The following TMCC1 variants were observed in gnomAD, a reference collection of about 807,000 sequenced individuals.
TMCC1 encodes the protein transmembrane and coiled-coil domains protein 1.
A neutral mutation model predicts 52.4 loss-of-function variants in TMCC1; 15 were observed. That is an observed-to-expected ratio of 0.29 (90% CI 0.19 to 0.44). TMCC1 has a LOEUF of 0.44. TMCC1 is among the 20% of genes least tolerant of loss of function. The pLI is 1.00. For missense variants in TMCC1, 503 were observed against 806.0 expected, an observed-to-expected ratio of 0.62 and a Z score of 4.55; for synonymous variants, 279 against 301.9, an observed-to-expected ratio of 0.92 and a Z score of 0.79.
chr3:129,658,550 GGGCTCTGACTC>G (rs1185288532), intron 5 of TMCC1, among the ~76,000 whole-genome samples: 1 of 152,186 alleles, frequency 6.6e-6, no homozygotes, highest in Non-Finnish European at 1.5e-5. Flanking sequence ...AGCAGCCTGT[GGGCTCTGACTC>G]GGCTTTGACC....
chr3:129,771,857 G>A (rs564421018), intron 4 of TMCC1, among the ~76,000 whole-genome samples: 3 of 150,552 alleles, frequency 2.0e-5, no homozygotes, highest in Non-Finnish European at 4.4e-5. Context: ...TGGAATTTGG[G>A]AAAGCTGAAG....
chr3:129,832,779 T>A lies in TMCC1; in HGVS notation c.-136A>T, dbSNP rs1236859791. On this transcript the variant is annotated 5_prime_UTR_variant, in exon 3 of 7. The change abolishes an upstream ATG in the 5' untranslated region. Coordinates refer to ENST00000393238, the MANE Select transcript of TMCC1 (RefSeq NM_001017395.5). ...ACAAAGAGTTGGATACTTGCCTTCA[T>A]CACTCTTCCTTAAGCACTTCTAAGG... is the stretch of plus-strand genomic sequence containing the variant. 1 of 152,224 alleles carries A rather than the reference T, an allele frequency of 6.6e-6. No homozygotes were observed. The highest frequency in any genetic ancestry group is 1.5e-5 in the Non-Finnish European group (1 of 68,042). The allele number at this position is 152,224 out of a possible 1,614,324, so 9.4% of individuals were successfully genotyped here.
chr3:129,705,791 A>G (rs2048181719), intron 4 of TMCC1, among the ~76,000 whole-genome samples: 1 of 151,772 alleles, frequency 6.6e-6, no homozygotes, highest in Non-Finnish European at 1.5e-5. Context: ...ACGGGGTTTC[A>G]CCATTTTAGC....
intron 2 of TMCC1, among the ~76,000 whole-genome samples, chr3:129,864,117 C>T (rs1312171221): frequency 6.6e-6 from 1 of 152,194 alleles, no homozygotes; most frequent in Admixed American, 6.6e-5. Context: ...AGGCACTATA[C>T]TTTTTACTAT....
At chr3:129,730,797 T>C (rs953447186) in intron 4 of TMCC1, among the ~76,000 whole-genome samples, 1 of 152,184 alleles carries the variant, frequency 6.6e-6, no homozygotes, top group Non-Finnish European at 1.5e-5. Context: ...CGGACCAAAT[T>C]CTCAAACAAC....
chr3:129,847,372 T>C (rs1160539090), intron 2 of TMCC1: 1 of 152,246 alleles, frequency 6.6e-6, no homozygotes, highest in African/African-American at 2.4e-5. Flanking sequence ...GTTTAAGTCA[T>C]ATGCTCCTAA....
At chr3:129,695,096 CAAAAAAAAA>C (rs11291309) in intron 4 of TMCC1, among the ~76,000 whole-genome samples, 395 of 35,262 alleles carry the variant, frequency 0.011, 3 homozygotes, top group African/African-American at 0.042. Context: ...GACTCTGTCT[CAAAAAAAAA>C]AAAAAAAAAA....
chr3:129,881,493 T>A (rs184092294), intron 1 of TMCC1, among the ~76,000 whole-genome samples: 17 of 152,056 alleles, frequency 1.1e-4, no homozygotes, highest in African/African-American at 4.1e-4. Flanking sequence ...AAATGTAGAA[T>A]AATCATATAA....
intron 5 of TMCC1, among the ~76,000 whole-genome samples, chr3:129,660,434 T>G (rs1031229794): frequency 8.5e-5 from 13 of 152,254 alleles, no homozygotes; most frequent in Non-Finnish European, 1.6e-4. Flanking sequence ...ATTACAGGCA[T>G]GAGCCACTGT....
intron 4 of TMCC1, among the ~76,000 whole-genome samples, chr3:129,740,547 C>T (rs920435795): frequency 6.6e-6 from 1 of 152,072 alleles, no homozygotes. Flanking sequence ...AACTCAACCA[C>T]GGGAAGGGTG....
intron 4 of TMCC1, among the ~76,000 whole-genome samples, chr3:129,764,759 A>ATG (rs1560366635): frequency 3.2e-5 from 1 of 31,554 alleles, no homozygotes; most frequent in Non-Finnish European, 4.5e-5. Flanking sequence ...GTGTGTGTGT[A>ATG]TATATATATA....
intron 4 of TMCC1, among the ~76,000 whole-genome samples, chr3:129,789,920 T>C (rs2056335975): frequency 6.6e-6 from 1 of 152,090 alleles, no homozygotes; most frequent in East Asian, 1.9e-4. Flanking sequence ...ATAATTTCAA[T>C]AAAATCAACA....
intron 2 of TMCC1, among the ~76,000 whole-genome samples, chr3:129,838,794 A>T: frequency 6.6e-6 from 1 of 150,398 alleles, no homozygotes; most frequent in Admixed American, 6.6e-5. Context: ...ATCTAGGCAT[A>T]TCATATTCAA....
intron 4 of TMCC1, among the ~76,000 whole-genome samples, chr3:129,792,572 T>C (rs921354582): frequency 3.3e-5 from 5 of 152,204 alleles, no homozygotes; most frequent in Non-Finnish European, 7.3e-5. Flanking sequence ...GCTGATCCAT[T>C]TGCTGAGTTT....
At chr3:129,766,392 A>T (rs573579646) in intron 4 of TMCC1, among the ~76,000 whole-genome samples, 27 of 152,328 alleles carry the variant, frequency 1.8e-4, no homozygotes, top group African/African-American at 6.3e-4. Flanking sequence ...TTGCATTTGT[A>T]AGGCTCTGAG....
chr3:129,884,988 A>T (rs1434788190), intron 1 of TMCC1, among the ~76,000 whole-genome samples: 1 of 151,768 alleles, frequency 6.6e-6, no homozygotes, highest in East Asian at 1.9e-4. Flanking sequence ...AAAATGCAAA[A>T]ATTAGCCAGA....
intron 1 of TMCC1, among the ~76,000 whole-genome samples, chr3:129,892,078 A>T (rs1194610995): frequency 6.6e-6 from 1 of 152,206 alleles, no homozygotes; most frequent in Non-Finnish European, 1.5e-5. Context: ...GAGAAATCTC[A>T]TTCTTATACA....
At position 129,828,433 on chromosome 3, in the gene TMCC1, A is replaced by C. The variant is rs768655115; in HGVS notation, c.-55T>G. 2.6e-6 allele frequency: 4 copies of C among 1,535,702 alleles called. No homozygotes were observed. Among genetic ancestry groups the C allele is most frequent in the Non-Finnish European group, 3.5e-6 (4 of 1,132,368 alleles). On this transcript the variant is annotated 5_prime_UTR_variant, in exon 4 of 7. Coordinates refer to ENST00000393238, the MANE Select transcript of TMCC1 (RefSeq NM_001017395.5). The surrounding 1 kb of genome is among the most constrained non-coding windows in gnomAD (Gnocchi z 4.1). ...TCAAAAAAATTTTTTAAACACACCA[A>C]GAGTGTCAAATTAGGTAGGCATTTG... is the stretch of plus-strand genomic sequence containing the variant.
At chr3:129,686,439 AC>A (rs1274473894) in intron 4 of TMCC1, among the ~76,000 whole-genome samples, 6 of 151,754 alleles carry the variant, frequency 4.0e-5, no homozygotes, top group Non-Finnish European at 5.9e-5. Flanking sequence ...TTTCCCACGT[AC>A]CCCACTCTAG....
Sources: gnomAD v4.1 joint callset for allele counts (sites outside exome capture counted in the v4.1 genomes callset) on GRCh38, gnomAD v4.1.1 for gene constraint, Gnocchi (gnomAD v3.1) non-coding constraint, MANE v1.5 for transcripts, NCBI Gene and HGNC (gene_info 2026-07-23, HGNC 2026-07-21) for gene names.